PCBP3: variants seen among roughly 807,000 people sequenced by gnomAD.
PCBP3 encodes the protein poly(rC)-binding protein 3.
A neutral mutation model predicts 52.7 loss-of-function variants in PCBP3; 25 were observed. That is an observed-to-expected ratio of 0.47 (90% CI 0.35 to 0.66). The LOEUF is 0.66. Among genes scored for constraint, PCBP3 ranks in the 30% least tolerant of loss-of-function variants. PCBP3 has a pLI of 0.01. For synonymous variants in PCBP3, 162 were observed against 183.0 expected (o/e 0.89, Z 0.93); for missense variants, 391 against 490.3 (o/e 0.80, Z 1.91).
chr21:45,644,024 C>G (rs899692576), intron 1 of PCBP3, among the ~76,000 whole-genome samples, 156 bp downstream of exon 1: 1 of 149,558 alleles, frequency 6.7e-6, no homozygotes, highest in African/African-American at 2.4e-5. Flanking sequence ...GTCGCGCCGT[C>G]CCCGACCGCC....
At chr21:45,849,275 A>G (rs2093902001) in intron 4 of PCBP3, among the ~76,000 whole-genome samples, 2 of 146,414 alleles carry the variant, frequency 1.4e-5, no homozygotes, top group African/African-American at 2.5e-5. Flanking sequence ...GCGCAATCTC[A>G]GCTCACTGCA....
intron 5 of PCBP3, chr21:45,871,289 C>T (rs1165493847): frequency 6.4e-5 from 10 of 157,158 alleles, no homozygotes; most frequent in East Asian, 5.9e-4. Context: ...CCGGGAGAGA[C>T]GGGCACCCCC....
chr21:45,908,349 G>C (rs991717559), intron 9 of PCBP3, among the ~76,000 whole-genome samples: 1 of 152,190 alleles, frequency 6.6e-6, no homozygotes, highest in African/African-American at 2.4e-5. Flanking sequence ...CCTCTCCCCA[G>C]CCTCACCAGA....
At chr21:45,711,493 T>C (rs142649947) in intron 2 of PCBP3, among the ~76,000 whole-genome samples, 4 of 152,338 alleles carry the variant, frequency 2.6e-5, no homozygotes, top group Non-Finnish European at 5.9e-5. Context: ...CCATCCACTA[T>C]TGATTTACTT....
At chr21:45,809,629 C>G (rs1029413771) in intron 4 of PCBP3, among the ~76,000 whole-genome samples, 1 of 152,192 alleles carries the variant, frequency 6.6e-6, no homozygotes, top group African/African-American at 2.4e-5. Context: ...TGCCCCGCTT[C>G]CCCCCTGCCG....
intron 5 of PCBP3, among the ~76,000 whole-genome samples, chr21:45,881,058 G>A (rs2095391979): frequency 6.6e-6 from 1 of 152,206 alleles, no homozygotes; most frequent in South Asian, 2.1e-4. Flanking sequence ...TGCTTTCCTG[G>A]CTGGCCTTCA....
At chr21:45,710,040 T>C (rs998239165) in intron 2 of PCBP3, among the ~76,000 whole-genome samples, 1 of 152,240 alleles carries the variant, frequency 6.6e-6, no homozygotes, top group Non-Finnish European at 1.5e-5. Context: ...TGTCAGTTTA[T>C]GTCAAGGAAG....
intron 4 of PCBP3, among the ~76,000 whole-genome samples, chr21:45,834,377 G>A (rs565569397): frequency 4.6e-5 from 7 of 152,214 alleles, no homozygotes; most frequent in Admixed American, 3.3e-4. Flanking sequence ...GAGGCTGACC[G>A]AAATTTGTGA....
rs2086002332 is a variant in PCBP3 at position 45,737,841 on chromosome 21, T to C, written c.-162+2412T>C. On this transcript the variant is annotated intron_variant, in intron 3 of 17. Transcript: ENST00000681687. The surrounding 1 kb of genome is among the most constrained non-coding windows in gnomAD (Gnocchi z 4.9). Reference sequence around the variant, plus strand: ...TCGAGTGAGTCCTGCAGCTTCTCGCTGTGAGATTCTGGGGTGCCATGATGA... The same window carrying C: ...TCGAGTGAGTCCTGCAGCTTCTCGCCGTGAGATTCTGGGGTGCCATGATGA... Among the ~76,000 whole-genome samples, 1 of 152,242 alleles carries C rather than the reference T, an allele frequency of 6.6e-6. No individual in the cohort carries two copies. Among genetic ancestry groups the C allele is most frequent in the Admixed American group, 6.5e-5 (1 of 15,290 alleles).
chr21:45,909,770 C>A (rs1315154152), intron 10 of PCBP3, among the ~76,000 whole-genome samples: 7 of 110,080 alleles, frequency 6.4e-5, no homozygotes, highest in East Asian at 2.7e-4. Context: ...GGACCCCCCC[C>A]ACCCACTGCC....
chr21:45,941,666 C>G lies in PCBP3; in HGVS notation c.1080-4C>G, dbSNP rs1569514590. On this transcript the variant is annotated splice_polypyrimidine_tract_variant and splice_region_variant and intron_variant, in intron 17 of 17. Transcript: ENST00000681687. ...TCTCCCTCTCCTGCCTTTGTCTGTT[C>G]CAGGCTGACGTCCGAGGTCACCGGG... is the stretch of plus-strand genomic sequence containing the variant. 1 of 1,607,250 alleles carries G rather than the reference C, an allele frequency of 6.2e-7. No individual in the cohort carries two copies. Among genetic ancestry groups the G allele is most frequent in the Non-Finnish European group, 8.5e-7 (1 of 1,176,798 alleles).
chr21:45,708,188 G>A (rs1392806515), intron 2 of PCBP3, among the ~76,000 whole-genome samples: 1 of 152,146 alleles, frequency 6.6e-6, no homozygotes, highest in African/African-American at 2.4e-5. Flanking sequence ...AGGATGTTTG[G>A]GATCACCATG....
At chr21:45,764,119 C>CTTTTTTTTTTTTTTTTTTTTTTT (rs71185167) in intron 4 of PCBP3, among the ~76,000 whole-genome samples, 1 of 119,788 alleles carries the variant, frequency 8.3e-6, no homozygotes, top group African/African-American at 3.2e-5. Flanking sequence ...TTTTTTTTTT[C>CTTTTTTTTTTTTTTTTTTTTTTT]TTTTTTTTTT....
chr21:45,826,063 A>G (rs989919094), intron 4 of PCBP3, among the ~76,000 whole-genome samples: 14 of 152,180 alleles, frequency 9.2e-5, no homozygotes, highest in Non-Finnish European at 2.1e-4. Context: ...GTTTGAGACC[A>G]GCATGGCCAA....
intron 5 of PCBP3, among the ~76,000 whole-genome samples, chr21:45,851,206 T>C (rs557366582): frequency 1.3e-5 from 2 of 152,296 alleles, no homozygotes; most frequent in South Asian, 4.1e-4. Context: ...AGTCAATAGT[T>C]AGATCTTTGG....
rs562444785 is a variant in PCBP3, at chr21:45,724,767, T to G, written c.-199-10625T>G. On this transcript the variant is annotated intron_variant, in intron 2 of 17. Transcript: ENST00000681687. The surrounding 1 kb of genome is among the most constrained non-coding windows in gnomAD (Gnocchi z 5.3). ...CGCCCCCCCTCAGCTGGAGTGGCAC[T>G]CTGTTGGCTGTTGTTTTCAGGCTGT... Among the ~76,000 whole-genome samples the G allele has an allele frequency of 6.6e-6, 1 of 151,796 alleles. No individual in the cohort carries two copies. Among genetic ancestry groups the G allele is most frequent in the African/African-American group, 2.4e-5 (1 of 41,350 alleles).
At chr21:45,796,990 C>T (rs897119778) in intron 4 of PCBP3, among the ~76,000 whole-genome samples, 2 of 152,164 alleles carry the variant, frequency 1.3e-5, no homozygotes, top group African/African-American at 4.8e-5. Context: ...TGGGGACAGG[C>T]CATGGAGAAT....
intron 15 of PCBP3, among the ~76,000 whole-genome samples, chr21:45,931,405 T>G (rs1434926164): frequency 2.0e-5 from 3 of 152,194 alleles, no homozygotes; most frequent in Admixed American, 2.0e-4. Flanking sequence ...CAGGCAGGTG[T>G]CCTGTAATGA....
At chr21:45,670,922 A>T (rs938296418) in intron 2 of PCBP3, among the ~76,000 whole-genome samples, 2 of 152,172 alleles carry the variant, frequency 1.3e-5, no homozygotes, top group Non-Finnish European at 2.9e-5. Context: ...GCCATCTGCT[A>T]CGGAGGTGGC....
Sources: gnomAD v4.1 joint callset for allele counts (sites outside exome capture counted in the v4.1 genomes callset) on GRCh38, gnomAD v4.1.1 for gene constraint, Gnocchi (gnomAD v3.1) non-coding constraint, MANE v1.5 for transcripts, NCBI Gene and HGNC (gene_info 2026-07-23, HGNC 2026-07-21) for gene names.